RET: variants seen among roughly 807,000 people sequenced by gnomAD.
RET encodes ret proto-oncogene.
A neutral mutation model predicts 118.3 loss-of-function variants in RET; 19 were observed. The ratio of observed to expected loss-of-function variants is 0.16; its 90% CI spans 0.11 to 0.24. The LOEUF is 0.24. RET is among the 10% of genes least tolerant of loss of function. RET has a pLI of 1.00. For missense variants in RET, 1,219 were observed against 1,502.1 expected (o/e 0.81, Z 3.12); for synonymous variants, 597 against 644.1 (o/e 0.93, Z 1.11).
At position 43,106,480 on chromosome 10, in the gene RET, G is replaced by C. The variant is rs758298916; in HGVS notation, c.972G>C (p.Trp324Cys). 28 of 1,613,680 alleles carry C rather than the reference G, an allele frequency of 1.7e-5. No individual in the cohort carries two copies. Among genetic ancestry groups the C allele is most frequent in the Non-Finnish European group, 1.2e-5 (14 of 1,179,828 alleles). ...GCACGCTGCTCCCCGGGGACACCTG[G>C]GCCCAGCAGACCTTCCGGGTGGAAC... ...YTSTLLPGDT[W>C]AQQTFRVEHW... Residue 324 changes from tryptophan (W) to cysteine (C), a missense_variant, in exon 5 of 20, where the codon TGG becomes TGC. Transcript: ENST00000355710. The surrounding 1 kb of genome is among the most constrained non-coding windows in gnomAD (Gnocchi z 5.1).
chr10:43,077,264 GA>G lies in RET; in HGVS notation c.8del (p.Lys3ArgfsTer20). 6.6e-7 allele frequency: 1 copy of G among 1,504,574 alleles called. No homozygotes were observed. The allele number at this position is 1,504,574 out of a possible 1,614,324, so 93.2% of individuals were successfully genotyped here. Reference protein sequence around the residue: MAKATSGAAGLRL... With the variant: MAXATSGAAGLRL... ...GGCCCCAGCGCGCACGGGCGATGGC[GA>G]AGGCGACGTCCGGTGCCGCGGGGCT... On this transcript the variant is annotated frameshift_variant, in exon 1 of 20. Coordinates refer to ENST00000355710, the MANE Select transcript of RET (RefSeq NM_020975.6). LOFTEE classifies it high-confidence loss of function.
At chr10:43,127,945 A>C (rs190426884) in intron 19 of RET, among the ~76,000 whole-genome samples, 167 bp from the exon 20 acceptor site, 6 of 152,288 alleles carry the variant, frequency 3.9e-5, no homozygotes, top group Non-Finnish European at 8.8e-5. Flanking sequence ...ATTTCCCCTA[A>C]CTATAACAGT....
rs369322585 is a variant in RET at position 43,109,009 on chromosome 10, A to G, written c.1064-22A>G. 98 of 1,609,352 alleles carry G rather than the reference A, an allele frequency of 6.1e-5. No individual in the cohort carries two copies. Among genetic ancestry groups the G allele is most frequent in the Non-Finnish European group, 7.7e-5 (91 of 1,179,538 alleles). On this transcript the variant is annotated intron_variant, in intron 5 of 19. Coordinates refer to ENST00000355710, the MANE Select transcript of RET (RefSeq NM_020975.6). ...AAGCAGCCAGAGCAGCTTGGTGGTC[A>G]TTGTTGTGCCCCTACCTGCAGGGCT... is the stretch of plus-strand genomic sequence containing the variant.
intron 6 of RET, 125 bp from the exon 7 acceptor site, chr10:43,111,082 G>A: frequency 2.2e-6 from 3 of 1,367,022 alleles, no homozygotes; most frequent in Non-Finnish European, 3.1e-6. Context: ...GTGCTCGGGG[G>A]GGCTGCTGTC....
intron 1 of RET, among the ~76,000 whole-genome samples, chr10:43,082,425 A>T (rs2506016): frequency 0.37 from 55,824 of 152,126 alleles, 10,459 homozygotes; most frequent in South Asian, 0.42. Context: ...GCACCTGGAC[A>T]GGTGTGCGCC....
chr10:43,127,573 G>T, intron 19 of RET: 1 of 829,696 alleles, frequency 1.2e-6, no homozygotes, highest in Non-Finnish European at 1.5e-6. Flanking sequence ...TTCAAGCTGA[G>T]ACGGTTCCTT....
rs1011315358 is a variant in RET, at chr10:43,114,061, G to A, written c.1879+386G>A. ...CTGTTCTGCCTGAGCATAGGGACAC[G>A]TTTCTGTCATTGAGTTTTCTGGTAT... is the stretch of plus-strand genomic sequence containing the variant. On this transcript the variant is annotated intron_variant, in intron 10 of 19. Transcript: ENST00000355710. This position sits in a 1 kb window ranked among gnomAD's most constrained non-coding sequence, Gnocchi z 4.6. Among the ~76,000 whole-genome samples the A allele has an allele frequency of 3.9e-5, 6 of 152,192 alleles. No individual in the cohort carries two copies. Among genetic ancestry groups the A allele is most frequent in the Non-Finnish European group, 7.4e-5 (5 of 68,024 alleles).
At chr10:43,093,921 C>T (rs1837464080) in intron 1 of RET, among the ~76,000 whole-genome samples, 1 of 151,942 alleles carries the variant, frequency 6.6e-6, no homozygotes, top group African/African-American at 2.4e-5. Flanking sequence ...GACACAGTGG[C>T]AGGTGGGGAG....
At chr10:43,116,471 C>A in intron 11 of RET, 113 bp from the exon 12 acceptor site, 1 of 1,341,778 alleles carries the variant, frequency 7.5e-7, no homozygotes, top group Non-Finnish European at 1.1e-6. Context: ...AGCCGGTTCT[C>A]TGCACATTGG....
chr10:43,090,657 C>A (rs1055124853), intron 1 of RET, among the ~76,000 whole-genome samples: 1 of 152,110 alleles, frequency 6.6e-6, no homozygotes, highest in Non-Finnish European at 1.5e-5. Flanking sequence ...ATCCAGGCCA[C>A]TTTATTATTA....
intron 3 of RET, chr10:43,102,913 G>A (rs373583544): frequency 1.3e-5 from 7 of 524,862 alleles, no homozygotes; most frequent in South Asian, 1.0e-4. Context: ...GTGGCTTCTG[G>A]AAGGAGCTAG....
intron 18 of RET, 88 bp from the exon 19 acceptor site, chr10:43,126,487 C>A: frequency 8.5e-7 from 1 of 1,175,510 alleles, no homozygotes. Context: ...ACAGCCAGAG[C>A]CTCTGCCCTG....
intron 1 of RET, among the ~76,000 whole-genome samples, chr10:43,100,110 C>G (rs1246655463): frequency 6.6e-6 from 1 of 152,190 alleles, no homozygotes; most frequent in East Asian, 1.9e-4. Flanking sequence ...TTTTTGGCAA[C>G]TGTTGCCTGC....
At chr10:43,122,947 C>A (rs3026775) in intron 16 of RET, among the ~76,000 whole-genome samples, 6,653 of 152,170 alleles carry the variant, frequency 0.044, 181 homozygotes, top group South Asian at 0.088. Flanking sequence ...TGTGAATAAG[C>A]AATTGGACAA....
rs771617878 is a variant in RET, at chr10:43,120,134, G to A, written c.2661G>A (p.Lys887=). ...ARNILVAEGR[K]MKISDFGLSR... The stretch of plus-strand genomic sequence containing the variant: ...ACATCCTGGTAGCTGAGGGGCGGAA[G>A]ATGAAGATTTCGGATTTCGGCTTGT... The change falls in exon 15 of 20, where the codon AAG becomes AAA. Residue 887 remains lysine, a synonymous_variant. Transcript: ENST00000355710. 12 of 1,613,962 alleles carry A rather than the reference G, an allele frequency of 7.4e-6. No homozygotes were observed. The highest frequency in any genetic ancestry group is 1.3e-5 in the African/African-American group (1 of 74,948).
At position 43,126,722 on chromosome 10, in the gene RET, G is replaced by A. The variant is rs1564502015; in HGVS notation, c.3187G>A (p.Gly1063Ser). 1 of 1,613,764 alleles carries A rather than the reference G, an allele frequency of 6.2e-7. No homozygotes were observed. Among genetic ancestry groups the A allele is most frequent in the Non-Finnish European group, 8.5e-7 (1 of 1,179,920 alleles). Residue 1063 changes from glycine to serine, a missense_variant and splice_region_variant, in exon 19 of 20, where the codon GGC (glycine) becomes AGC (serine). This residue lies in a region of RET where 174 missense variants were observed against 179.3 expected (regional missense o/e 0.97). Transcript: ENST00000355710. ...CACATGGATTGAAAACAAACTCTAT[G>A]GTAGAATTTCCCATGCATTTACTAG... is the stretch of plus-strand genomic sequence containing the variant. ...PSTWIENKLY[G>S]MSDPNWPGES...
rs139313383 is a variant in RET, at chr10:43,088,379, AGGTGAT to A, written c.73+11059_73+11064del. ...GTGATGGAGGCGGTGGTGTTAGTGG[AGGTGAT>A]GGTGATGGTGGTGGTGGAAGTCATG... On this transcript the variant is annotated intron_variant, in intron 1 of 19. Transcript: ENST00000355710. 0.011 allele frequency among the ~76,000 whole-genome samples: 1,467 copies of A among 129,668 alleles called. 65 individuals carry two copies. In the East Asian group the frequency reaches 0.13, roughly 11 times the overall value. The allele number at this position is 129,668 out of a possible 152,430, so 85.1% of individuals were successfully genotyped here. A position where few individuals can be genotyped will look rare whatever the true frequency, so the allele number is the denominator to read the frequency against.
In RET at chr10:43,128,155, C is replaced by G. The variant is rs765409417; in HGVS notation, c.3231C>G (p.Leu1077=). 2 of 1,614,150 alleles carry G rather than the reference C, an allele frequency of 1.2e-6. No homozygotes were observed. The highest frequency in any genetic ancestry group is 2.2e-5 in the East Asian group (1 of 44,884). The change falls in exon 20 of 20, where the codon CTC becomes CTG. Residue 1077 remains leucine, a synonymous_variant. Coordinates refer to ENST00000355710, the MANE Select transcript of RET (RefSeq NM_020975.6). ...PNWPGESPVP[L]TRADGTNTGF... The stretch of plus-strand genomic sequence containing the variant: ...GGCCTGGAGAGAGTCCTGTACCACT[C>G]ACGAGAGCTGATGGCACTAACACTG...
At chr10:43,120,238 G>T in intron 15 of RET, 35 bp downstream of exon 15, 1 of 1,610,240 alleles carries the variant, frequency 6.2e-7, no homozygotes, top group Non-Finnish European at 8.5e-7. Flanking sequence ...GGGCTCCCAG[G>T]GATCCCAGGT....
Sources: allele counts gnomAD v4.1 joint callset (sites outside exome capture counted in the v4.1 genomes callset), GRCh38; gene constraint gnomAD v4.1.1; regional missense constraint gnomAD v4.1.1; non-coding constraint Gnocchi (gnomAD v3.1); transcripts MANE v1.5; gene names NCBI Gene and HGNC (gene_info 2026-07-23, HGNC 2026-07-21).